Variants in HELZ observed in about 807,000 individuals in gnomAD.
HELZ encodes ATP-dependent RNA helicase with zinc finger domain.
A neutral mutation model predicts 218.2 loss-of-function variants in HELZ; 23 were observed. The ratio of observed to expected loss-of-function variants is 0.11; its 90% CI spans 0.08 to 0.15. The LOEUF (loss-of-function observed/expected upper bound fraction) is 0.15. Among genes scored for constraint, HELZ ranks in the 10% least tolerant of loss-of-function variants. The pLI is 1.00. For missense variants in HELZ, 1,813 were observed against 2,353.7 expected (o/e 0.77, Z 4.75); for synonymous variants, 814 against 829.4 (o/e 0.98, Z 0.32).
At chr17:67,089,668 T>TATATATATAGAGAGAGAG (rs71293575) in intron 31 of HELZ, among the ~76,000 whole-genome samples, 18 of 70,640 alleles carry the variant, frequency 2.5e-4, no homozygotes, top group Middle Eastern at 8.2e-3. Context: ...TATATATATA[T>TATATATATAGAGAGAGAG]AGAGAGAGAG....
At chr17:67,122,912 AT>A in intron 26 of HELZ, 57 bp downstream of exon 26, 1 of 1,319,376 alleles carries the variant, frequency 7.6e-7, no homozygotes, top group Non-Finnish European at 1.1e-6. Flanking sequence ...GATTAGAACC[AT>A]TTTAGTGAAA....
At chr17:67,087,327 G>C (rs1480074786) in intron 31 of HELZ, among the ~76,000 whole-genome samples, 2 of 152,148 alleles carry the variant, frequency 1.3e-5, no homozygotes, top group African/African-American at 4.8e-5. Flanking sequence ...TCACTGCATA[G>C]TCCTGACAAT....
chr17:67,091,114 C>A (rs2036562981), intron 31 of HELZ, among the ~76,000 whole-genome samples: 1 of 152,048 alleles, frequency 6.6e-6, no homozygotes, highest in Admixed American at 6.5e-5. Flanking sequence ...GCTATATTTC[C>A]ATTTTCACTC....
intron 28 of HELZ, among the ~76,000 whole-genome samples, chr17:67,113,874 T>G (rs937884728): frequency 1.2e-4 from 18 of 152,166 alleles, no homozygotes; most frequent in African/African-American, 4.1e-4. Flanking sequence ...TGATTTTCTC[T>G]AAGTAGTTTA....
intron 12 of HELZ, among the ~76,000 whole-genome samples, chr17:67,187,330 T>C (rs1028233254): frequency 4.6e-5 from 7 of 151,980 alleles, no homozygotes; most frequent in African/African-American, 1.7e-4. Context: ...TTAGCACACG[T>C]AGAAGAAGAT....
chr17:67,243,310 C>T (rs1409474164), intron 2 of HELZ, among the ~76,000 whole-genome samples: 1 of 152,082 alleles, frequency 6.6e-6, no homozygotes, highest in Non-Finnish European at 1.5e-5. Context: ...AAAATAAAAG[C>T]AGGAGTGATT....
Position 67,124,003 on chromosome 17 carries a change from A to C in HELZ, c.3399T>G (p.Leu1133=). 6.2e-7 allele frequency: 1 copy of C among 1,601,982 alleles called. No individual in the cohort carries two copies. The highest frequency in any genetic ancestry group is 8.5e-7 in the Non-Finnish European group (1 of 1,169,876). ...GGAAGTGATCATTCTGGGTATGATG[A>C]AGACTTTTCCCCTTTAAAGAAAAAC... The part of the protein sequence containing the change: ...QQQSPPKGKS[L]HHTQNDHFQN... The change falls in exon 25 of 33, where the codon CTT becomes CTG. Residue 1133 remains leucine (L), a synonymous_variant. Coordinates refer to ENST00000358691, the MANE Select transcript of HELZ (RefSeq NM_014877.4).
chr17:67,224,955 G>A (rs961322799), intron 3 of HELZ: 2 of 707,280 alleles, frequency 2.8e-6, no homozygotes, highest in Non-Finnish European at 5.3e-6. Flanking sequence ...AGCCCAAACA[G>A]ATCTAAGAGA....
chr17:67,175,243 G>T (rs1039764270), intron 13 of HELZ, among the ~76,000 whole-genome samples: 12 of 152,002 alleles, frequency 7.9e-5, no homozygotes, highest in Admixed American at 5.9e-4. Flanking sequence ...AAAAAAAGAA[G>T]AAGAAATGCA....
At position 67,108,967 on chromosome 17, in the gene HELZ, G is replaced by A; in HGVS notation, c.4489+149C>T. The A allele has an allele frequency of 1.4e-6, 1 of 697,200 alleles. No individual in the cohort carries two copies. The highest frequency in any genetic ancestry group is 2.4e-6 in the Non-Finnish European group (1 of 423,304). 43.2% of individuals were successfully genotyped at this position (697,200 alleles called of 1,614,324 possible). On this transcript the variant is annotated intron_variant, in intron 29 of 32. Transcript: ENST00000358691. This position sits in a 1 kb window ranked among gnomAD's most constrained non-coding sequence, Gnocchi z 4.1. ...ACTGGATACTATCATACAGCATTTAGAACTAGTTTCTGATTATCACACTAA... is the reference window on the plus strand; with the variant it reads ...ACTGGATACTATCATACAGCATTTAAAACTAGTTTCTGATTATCACACTAA...
chr17:67,089,664 TATATAGAGAG>T lies in HELZ; in HGVS notation c.5242-2593_5242-2584del, dbSNP rs1426128850. 1.9e-3 allele frequency among the ~76,000 whole-genome samples: 85 copies of T among 45,468 alleles called. 1 individual carries two copies. The highest frequency in any genetic ancestry group is 1.7e-3 in the East Asian group (1 of 594). The allele number at this position is 45,468 out of a possible 152,430, so 29.8% of individuals were successfully genotyped here. On this transcript the variant is annotated intron_variant, in intron 31 of 32. Coordinates refer to ENST00000358691, the MANE Select transcript of HELZ (RefSeq NM_014877.4). ...TGGAGATTTTATATATATATATATA[TATATAGAGAG>T]AGAGAGAGAGAGAGAGAGAGAGAGA...
intron 18 of HELZ, chr17:67,150,271 G>A (rs1219399754): frequency 8.5e-6 from 2 of 234,550 alleles, no homozygotes; most frequent in African/African-American, 2.3e-5. Context: ...CTGAGACTAC[G>A]GGCATATGCC....
At chr17:67,216,073 A>T in intron 4 of HELZ, 138 bp from the exon 5 acceptor site, 1 of 667,226 alleles carries the variant, frequency 1.5e-6, no homozygotes. Context: ...AGCAAAGCTA[A>T]CACATGTGCC....
At chr17:67,218,294 A>T (rs1422970377) in intron 4 of HELZ, among the ~76,000 whole-genome samples, 1 of 152,226 alleles carries the variant, frequency 6.6e-6, no homozygotes, top group Non-Finnish European at 1.5e-5. Context: ...AAAGTATCAT[A>T]AAGAAGAGAC....
At chr17:67,216,148 C>A (rs1046928647) in intron 4 of HELZ, among the ~76,000 whole-genome samples, 1 of 152,130 alleles carries the variant, frequency 6.6e-6, no homozygotes, top group East Asian at 1.9e-4. Context: ...CATGGACCCC[C>A]ACTCCTACTT....
intron 31 of HELZ, among the ~76,000 whole-genome samples, chr17:67,104,201 G>A (rs969524294): frequency 4.6e-5 from 7 of 152,112 alleles, no homozygotes; most frequent in Admixed American, 1.3e-4. Flanking sequence ...TTGGGAGGCC[G>A]AGGCGAGCAG....
At chr17:67,107,792 A>G in intron 30 of HELZ, 107 bp from the exon 31 acceptor site, 6 of 950,958 alleles carry the variant, frequency 6.3e-6, no homozygotes, top group Non-Finnish European at 9.4e-6. Context: ...CATAGTACTA[A>G]TAACTAGAAC....
chr17:67,116,989 T>C lies in HELZ; in HGVS notation c.3839-2586A>G, dbSNP rs373478119. 6.6e-5 allele frequency among the ~76,000 whole-genome samples: 10 copies of C among 152,280 alleles called. No individual in the cohort carries two copies. The East Asian group carries it at 9.7e-4, about 15-fold the overall frequency. On this transcript the variant is annotated intron_variant, in intron 27 of 32. Coordinates refer to ENST00000358691, the MANE Select transcript of HELZ (RefSeq NM_014877.4). The stretch of plus-strand genomic sequence containing the variant: ...CTTCTGCCTCAGCCTCCCGAGTAGC[T>C]GGGATTACAGGCGTGCACCACCACA...
At chr17:67,167,886 C>T (rs762522038) in intron 13 of HELZ, 90 bp from the exon 14 acceptor site, 34 of 878,658 alleles carry the variant, frequency 3.9e-5, no homozygotes, top group Non-Finnish European at 5.6e-5. Context: ...CAAATATAAA[C>T]ATACCAAAAA....
Sources: gnomAD v4.1 joint callset for allele counts (sites outside exome capture counted in the v4.1 genomes callset) on GRCh38, gnomAD v4.1.1 for gene constraint, Gnocchi (gnomAD v3.1) non-coding constraint, MANE v1.5 for transcripts, NCBI Gene and HGNC (gene_info 2026-07-23, HGNC 2026-07-21) for gene names.